The following HRG variants were observed in gnomAD, a reference collection of about 807,000 sequenced individuals.
The protein encoded by HRG is histidine-rich glycoprotein.
HRG carries 26 observed loss-of-function variants against 29.5 expected under a neutral mutation model. The observed-to-expected ratio is 0.88, with a 90% CI of 0.65 to 1.22. The LOEUF (loss-of-function observed/expected upper bound fraction) is 1.22. HRG is among the 50% of genes most tolerant of loss of function. The pLI, the probability that HRG is intolerant of heterozygous loss-of-function variation, is 0.00. For missense variants in HRG, 671 were observed against 654.5 expected, an observed-to-expected ratio of 1.03 and a Z score of -0.28; for synonymous variants, 243 against 240.4, an observed-to-expected ratio of 1.01 and a Z score of -0.10.
In HRG at chr3:186,677,059, A is replaced by T. The variant is rs752208032; in HGVS notation, c.754A>T (p.Ile252Phe). 6.2e-7 allele frequency: 1 copy of T among 1,614,108 alleles called. No individual in the cohort carries two copies. The highest frequency in any genetic ancestry group is 1.1e-5 in the South Asian group (1 of 91,072). ...TGACCTTTTCCAGGAACATGAGAACATCAATGGTGTACCGCCTCATTTGGG... is the reference window on the plus strand; with the variant it reads ...TGACCTTTTCCAGGAACATGAGAACTTCAATGGTGTACCGCCTCATTTGGG... ...EVFDPQEHEN[I>F]NGVPPHLGHP... The change falls in exon 7 of 7, where the codon ATC becomes TTC. Residue 252 changes from isoleucine (I) to phenylalanine (F), a missense_variant. By Grantham distance (21) the Ile-to-Phe change is conservative. Transcript: ENST00000232003.
rs201151195 is a variant in HRG at position 186,677,539 on chromosome 3, C to T, written c.1234C>T (p.Gln412Ter). 1,491 of 1,612,112 alleles carry T rather than the reference C, an allele frequency of 9.2e-4. 25 individuals are homozygous for T. In the South Asian group the frequency reaches 0.015, roughly 17 times the overall value. ...HGHHPHCHDF[Q>*]DYGPCDPPPH... ...ACACCATCCCCACTGCCATGATTTC[C>T]AAGACTATGGACCTTGTGACCCACC... Residue 412 changes from glutamine to a stop codon, truncating the protein, a stop_gained, in exon 7 of 7, where the codon CAA (glutamine) becomes TAA (stop). Coordinates refer to ENST00000232003, the MANE Select transcript of HRG (RefSeq NM_000412.5). LOFTEE classifies it low-confidence loss of function (END_TRUNC).
At chr3:186,666,775 T>A (rs1438523004) in intron 1 of HRG, among the ~76,000 whole-genome samples, 1 of 151,958 alleles carries the variant, frequency 6.6e-6, no homozygotes, top group Non-Finnish European at 1.5e-5. Flanking sequence ...TAGCTGGGCA[T>A]GGTGGTGCAC....
Position 186,672,794 on chromosome 3 carries a change from G to C in HRG, c.566G>C (p.Gly189Ala), listed in dbSNP as rs1188729524. The C allele has an allele frequency of 6.2e-7, 1 of 1,608,000 alleles. No individual in the cohort carries two copies. Residue 189 changes from glycine (G) to alanine (A), a missense_variant, in exon 5 of 7, where the codon GGG becomes GCG. Coordinates refer to ENST00000232003, the MANE Select transcript of HRG (RefSeq NM_000412.5). ...RIERVARVRG[G>A]EGTGYFVDFS... is the part of the protein sequence containing the mutation. ...TGATCCCATCTGTTCTAGAGAGGAG[G>C]GGAAGGAACTGGTTACTTCGTGGAC... is the stretch of plus-strand genomic sequence containing the variant.
intron 5 of HRG, 31 bp downstream of exon 5, chr3:186,672,898 C>T: frequency 7.3e-7 from 1 of 1,377,168 alleles, no homozygotes; most frequent in Non-Finnish European, 1.0e-6. Context: ...TGATCGTTGA[C>T]TAGAGTCACA....
chr3:186,677,304 C>T lies in HRG; in HGVS notation c.999C>T (p.Gly333=). The T allele has an allele frequency of 6.2e-7, 1 of 1,614,144 alleles. No individual in the cohort carries two copies. Among genetic ancestry groups the T allele is most frequent in the Non-Finnish European group, 8.5e-7 (1 of 1,180,014 alleles). ...SCSSCQHATF[G]TNGAQRHSHN... is the part of the protein sequence containing the mutation. ...CAAGTTGTCAACATGCCACTTTTGG[C>T]ACAAATGGGGCCCAAAGACATTCTC... Residue 333 remains glycine (G), a synonymous_variant, in exon 7 of 7, where the codon GGC becomes GGT. Transcript: ENST00000232003.
rs1718738643 is a variant in HRG at position 186,670,034 on chromosome 3, G to T, written c.391+6G>T. ...TAACTGCACCACAAGTTCTGGTATG[G>T]TAATCTGTTAAATTGCTAATTAATT... On this transcript the variant is annotated splice_donor_region_variant and intron_variant, in intron 3 of 6. Coordinates refer to ENST00000232003, the MANE Select transcript of HRG (RefSeq NM_000412.5). 1 of 1,430,212 alleles carries T rather than the reference G, an allele frequency of 7.0e-7. No individual in the cohort carries two copies. The highest frequency in any genetic ancestry group is 1.7e-5 in the Admixed American group (1 of 59,768). 88.6% of individuals were successfully genotyped at this position (1,430,212 alleles called of 1,614,324 possible).
chr3:186,670,110 C>A, intron 3 of HRG, 82 bp downstream of exon 3: 1 of 784,642 alleles, frequency 1.3e-6, no homozygotes, highest in East Asian at 2.5e-5. Context: ...CATCTATGTA[C>A]ATATGTATTC....
Position 186,677,403 on chromosome 3 carries a change from C to T in HRG, c.1098C>T (p.Pro366=). 1 of 1,609,974 alleles carries T rather than the reference C, an allele frequency of 6.2e-7. No individual in the cohort carries two copies. The highest frequency in any genetic ancestry group is 8.5e-7 in the Non-Finnish European group (1 of 1,177,976). ...AACAGCATCCCCACGGACACCATCC[C>T]CATGCACACCATCCTCATGAACATG... ...SHEQHPHGHH[P]HAHHPHEHDT... Residue 366 remains proline, a synonymous_variant, in exon 7 of 7, where the codon CCC becomes CCT. Transcript: ENST00000232003.
Position 186,677,324 on chromosome 3 carries a change from A to T in HRG, c.1019A>T (p.His340Leu), listed in dbSNP as rs2228243. ...ATFGTNGAQR[H>L]SHNNNSSDLH... ...TTTGGCACAAATGGGGCCCAAAGAC[A>T]TTCTCATAATAATAATTCCAGTGAC... The change falls in exon 7 of 7, where the codon CAT (histidine) becomes CTT (leucine). Residue 340 changes from histidine (H) to leucine (L), a missense_variant. Transcript: ENST00000232003. The T allele has an allele frequency of 6.2e-7, 1 of 1,613,960 alleles. No homozygotes were observed. The highest frequency in any genetic ancestry group is 1.1e-5 in the South Asian group (1 of 91,062).
At chr3:186,670,174 T>A in intron 3 of HRG, 146 bp downstream of exon 3, 2 of 667,258 alleles carry the variant, frequency 3.0e-6, no homozygotes, top group Non-Finnish European at 5.4e-6. Context: ...AAGAAAAGCC[T>A]TCATAGACTC....
intron 4 of HRG, among the ~76,000 whole-genome samples, chr3:186,672,352 C>T (rs114203701): frequency 3.3e-5 from 5 of 152,170 alleles, no homozygotes; most frequent in Non-Finnish European, 5.9e-5. Context: ...TGGACCCATG[C>T]GCACTGGAGT....
At chr3:186,671,827 CCAGGCTCCAACCTGG>C in intron 4 of HRG, 38 bp downstream of exon 4, 1 of 1,582,552 alleles carries the variant, frequency 6.3e-7, no homozygotes, top group Non-Finnish European at 8.7e-7. Flanking sequence ...GTCTGAAGGC[CCAGGCTCCAACCTGG>C]CAGCAGGAAC....
intron 3 of HRG, 47 bp downstream of exon 3, chr3:186,670,075 T>G (rs368739467): frequency 1.9e-5 from 18 of 955,320 alleles, no homozygotes; most frequent in Non-Finnish European, 3.1e-5. Flanking sequence ...TTAATACAAA[T>G]TCAATCATAC....
chr3:186,671,449 G>A (rs780218107), intron 3 of HRG, among the ~76,000 whole-genome samples, 174 bp from the exon 4 acceptor site: 10 of 151,974 alleles, frequency 6.6e-5, no homozygotes, highest in Non-Finnish European at 1.5e-4. Flanking sequence ...CTCGAAGGAA[G>A]AATCAGCAGT....
chr3:186,672,913 A>G, intron 5 of HRG, 46 bp downstream of exon 5: 1 of 1,250,338 alleles, frequency 8.0e-7, no homozygotes, highest in Non-Finnish European at 1.2e-6. Context: ...GTCACAGAGA[A>G]AAAAGAAAGA....
intron 4 of HRG, among the ~76,000 whole-genome samples, 176 bp from the exon 5 acceptor site, chr3:186,672,611 C>T (rs1218413079): frequency 6.6e-6 from 1 of 152,176 alleles, no homozygotes; most frequent in East Asian, 1.9e-4. Flanking sequence ...CTGGTATTCA[C>T]CTTATCACTT....
rs138024376 is a variant in HRG at position 186,666,415 on chromosome 3, T to A, written c.183+201T>A. On this transcript the variant is annotated intron_variant, in intron 1 of 6. Coordinates refer to ENST00000232003, the MANE Select transcript of HRG (RefSeq NM_000412.5). ...GTGTACCCGCAACTATGATTCGATT[T>A]GTGGGTACATATAAGCATTTATGCT... is the stretch of plus-strand genomic sequence containing the variant. Among the ~76,000 whole-genome samples, 295 of 152,350 alleles carry A rather than the reference T, an allele frequency of 1.9e-3. 4 individuals carry two copies. The highest frequency in any genetic ancestry group is 1.5e-3 in the East Asian group (8 of 5,192).
intron 6 of HRG, among the ~76,000 whole-genome samples, chr3:186,676,624 A>G (rs999990585): frequency 1.1e-4 from 17 of 151,758 alleles, no homozygotes; most frequent in Non-Finnish European, 2.4e-4. Context: ...GAGTCTGGGC[A>G]ACAGAGTAAG....
chr3:186,671,504 C>T (rs1718789224), intron 3 of HRG, 119 bp from the exon 4 acceptor site: 2 of 1,021,800 alleles, frequency 2.0e-6, no homozygotes, highest in Admixed American at 3.4e-5. Context: ...AGCAGTTACT[C>T]AGCTCTTCCC....
Sources: gnomAD v4.1 joint callset for allele counts (sites outside exome capture counted in the v4.1 genomes callset) on GRCh38, gnomAD v4.1.1 for gene constraint, MANE v1.5 for transcripts, NCBI Gene and HGNC (gene_info 2026-07-23, HGNC 2026-07-21) for gene names.